TARBP1: variants seen among roughly 807,000 people sequenced by gnomAD.
TARBP1 encodes the protein tRNA guanosine 2 -O-methyltransferase TARBP1, also known as tRNA (guanosine(18)-2'-O)-methyltransferase TARBP1.
A neutral mutation model predicts 178.6 loss-of-function variants in TARBP1; 144 were observed. The observed-to-expected ratio is 0.81, with a 90% CI of 0.70 to 0.93. TARBP1 has a LOEUF of 0.93. Among genes scored for constraint, TARBP1 ranks in the 40% least tolerant of loss-of-function variants. The probability of loss-of-function intolerance (pLI) is 0.00; values close to 1 mark genes in which losing one functional copy is unlikely to be tolerated. For missense variants in TARBP1, 2,067 were observed against 2,011.7 expected (o/e 1.03, Z -0.53); for synonymous variants, 787 against 781.0 (o/e 1.01, Z -0.13).
intron 20 of TARBP1, among the ~76,000 whole-genome samples, chr1:234,421,090 T>C (rs192872134): frequency 8.3e-4 from 126 of 152,292 alleles, no homozygotes; most frequent in African/African-American, 2.9e-3. Flanking sequence ...GTTTTTTGTT[T>C]GTTTGTTTTC....
At chr1:234,410,608 C>G in intron 22 of TARBP1, 77 bp from the exon 23 acceptor site, 1 of 925,198 alleles carries the variant, frequency 1.1e-6, no homozygotes, top group African/African-American at 1.7e-5. Flanking sequence ...CCGTGCTGGA[C>G]TCTATGAGGG....
intron 9 of TARBP1, among the ~76,000 whole-genome samples, chr1:234,451,144 C>T (rs184640931): frequency 6.6e-6 from 1 of 152,094 alleles, no homozygotes; most frequent in Non-Finnish European, 1.5e-5. Flanking sequence ...AAACACTGTC[C>T]GAGGCCTTCT....
intron 17 of TARBP1, among the ~76,000 whole-genome samples, chr1:234,428,925 G>C (rs1664085720): frequency 6.6e-6 from 1 of 152,202 alleles, no homozygotes; most frequent in African/African-American, 2.4e-5. Context: ...TTCTGAGGCA[G>C]ATGTGGCTCC....
chr1:234,392,578 A>G (rs1361898443), intron 28 of TARBP1, 26 bp from the exon 29 acceptor site: 1 of 1,610,708 alleles, frequency 6.2e-7, no homozygotes, highest in Non-Finnish European at 8.5e-7. Context: ...AAAAGAACAG[A>G]ATATTCATTC....
At chr1:234,438,870 A>G (rs1454193304) in intron 12 of TARBP1, among the ~76,000 whole-genome samples, 1 of 152,216 alleles carries the variant, frequency 6.6e-6, no homozygotes, top group African/African-American at 2.4e-5. Flanking sequence ...AACAAGCTTG[A>G]TGAAAAAACA....
In TARBP1 at chr1:234,429,774, G is replaced by T; in HGVS notation, c.2610-97C>A. 3.2e-5 allele frequency: 40 copies of T among 1,238,390 alleles called. 3 individuals carry two copies. The highest frequency in any genetic ancestry group is 4.2e-5 in the Non-Finnish European group (38 of 905,800). 76.7% of individuals were successfully genotyped at this position (1,238,390 alleles called of 1,614,324 possible). ...TATCCTTTCTAAAGGTGGGGGGGGG[G>T]GGGCAGTGTACAGATATAAATGGTC... On this transcript the variant is annotated intron_variant, in intron 15 of 29. Transcript: ENST00000040877.
chr1:234,445,469 G>A (rs66644026), intron 12 of TARBP1, among the ~76,000 whole-genome samples: 45,650 of 151,926 alleles, frequency 0.3, 7,068 homozygotes, highest in Admixed American at 0.41. Flanking sequence ...AATAATAATA[G>A]GAGAGGGAGG....
chr1:234,405,711 G>C lies in TARBP1; in HGVS notation c.3989+192C>G, dbSNP rs111540777. 4.1e-3 allele frequency among the ~76,000 whole-genome samples: 625 copies of C among 152,304 alleles called. 10 individuals are homozygous for C. The highest frequency in any genetic ancestry group is 0.014 in the African/African-American group (594 of 41,568). ...AAGGGCAATAAGAGGTCAAGGTGGA[G>C]CTGACAATGAACTGTAATTAACTAC... On this transcript the variant is annotated intron_variant, in intron 24 of 29. Coordinates refer to ENST00000040877, the MANE Select transcript of TARBP1 (RefSeq NM_005646.4).
At chr1:234,462,827 C>G (rs984123709) in intron 6 of TARBP1, among the ~76,000 whole-genome samples, 2 of 152,048 alleles carry the variant, frequency 1.3e-5, no homozygotes, top group Admixed American at 1.3e-4. Context: ...CATATTTTCC[C>G]TTTTTTCTGA....
intron 25 of TARBP1, among the ~76,000 whole-genome samples, chr1:234,399,253 G>T (rs908269440): frequency 6.6e-6 from 1 of 152,158 alleles, no homozygotes; most frequent in African/African-American, 2.4e-5. Context: ...CAAGTAACAG[G>T]CAACTTAAAA....
chr1:234,419,368 TC>T (rs1662829199), intron 21 of TARBP1, among the ~76,000 whole-genome samples: 1 of 152,110 alleles, frequency 6.6e-6, no homozygotes, highest in Non-Finnish European at 1.5e-5. Context: ...GATTTTGAAT[TC>T]CACCTCTATC....
In TARBP1 at chr1:234,429,408, T is replaced by C. The variant is rs1463327876; in HGVS notation, c.2871+8A>G. The C allele has an allele frequency of 6.2e-7, 1 of 1,600,886 alleles. No homozygotes were observed. Among genetic ancestry groups the C allele is most frequent in the Non-Finnish European group, 8.5e-7 (1 of 1,175,662 alleles). On this transcript the variant is annotated splice_region_variant and intron_variant, in intron 16 of 29. Coordinates refer to ENST00000040877, the MANE Select transcript of TARBP1 (RefSeq NM_005646.4). ...TTACTGTTCAATTCATGTTTCACTC[T>C]ATCTTACCTTGGGAACCAACACTTT...
At chr1:234,447,554 G>C (rs3820600) in intron 11 of TARBP1, among the ~76,000 whole-genome samples, 46,703 of 151,740 alleles carry the variant, frequency 0.31, 7,426 homozygotes, top group Admixed American at 0.41. Flanking sequence ...GCCACCATGT[G>C]CAGGTAATTT....
rs149119778 is a variant in TARBP1 at position 234,438,773 on chromosome 1, C to A, written c.2135-1401G>T. Among the ~76,000 whole-genome samples, 1,079 of 152,160 alleles carry A rather than the reference C, an allele frequency of 7.1e-3. 12 individuals carry two copies. Among genetic ancestry groups the A allele is most frequent in the African/African-American group, 0.025 (1,035 of 41,526 alleles). ...TTCCAAATCTGATAAAGGGTATAAA[C>A]CTACAGATTCAAGAAGTTTCAGGGA... On this transcript the variant is annotated intron_variant, in intron 12 of 29. Coordinates refer to ENST00000040877, the MANE Select transcript of TARBP1 (RefSeq NM_005646.4).
At chr1:234,474,888 G>C (rs1460959963) in intron 1 of TARBP1, among the ~76,000 whole-genome samples, 3 of 152,166 alleles carry the variant, frequency 2.0e-5, no homozygotes, top group African/African-American at 7.2e-5. Context: ...GCGGTGGGTG[G>C]GGGGAGCATC....
At chr1:234,469,060 CTTTTTTTTTTT>C (rs765324709) in intron 3 of TARBP1, among the ~76,000 whole-genome samples, 9,425 of 68,436 alleles carry the variant, frequency 0.14, 769 homozygotes, top group South Asian at 0.3. Flanking sequence ...CGGTTTTTGC[CTTTTTTTTTTT>C]TTTTTTAAAA....
intron 9 of TARBP1, among the ~76,000 whole-genome samples, chr1:234,455,528 T>C (rs1489018345): frequency 6.6e-6 from 1 of 152,240 alleles, no homozygotes; most frequent in Non-Finnish European, 1.5e-5. Flanking sequence ...GAAGGGTCTT[T>C]GCCTACTGAG....
chr1:234,404,060 C>A (rs181485273), intron 24 of TARBP1, among the ~76,000 whole-genome samples: 1 of 152,094 alleles, frequency 6.6e-6, no homozygotes, highest in Non-Finnish European at 1.5e-5. Context: ...TTTAAAAGTG[C>A]GTTTTATTGC....
At chr1:234,395,941 G>C (rs141062138) in intron 26 of TARBP1, among the ~76,000 whole-genome samples, 1 of 152,084 alleles carries the variant, frequency 6.6e-6, no homozygotes. Flanking sequence ...CATCACAAAC[G>C]TGAGAGGTGA....
Sources: gnomAD v4.1 joint callset for allele counts (sites outside exome capture counted in the v4.1 genomes callset) on GRCh38, gnomAD v4.1.1 for gene constraint, MANE v1.5 for transcripts, NCBI Gene and HGNC (gene_info 2026-07-23, HGNC 2026-07-21) for gene names.